ODAD2: variants seen among roughly 807,000 people sequenced by gnomAD.
ODAD2 encodes outer dynein arm-docking complex subunit 2.
A neutral mutation model predicts 106.8 loss-of-function variants in ODAD2; 89 were observed. The ratio of observed to expected loss-of-function variants is 0.83; its 90% CI spans 0.70 to 0.99. The LOEUF (loss-of-function observed/expected upper bound fraction) is 0.99, where lower values mean the gene tolerates loss of function less well. Among genes scored for constraint, ODAD2 ranks in the 50% least tolerant of loss-of-function variants. The pLI, the probability that ODAD2 is intolerant of heterozygous loss-of-function variation, is 0.00. For missense variants in ODAD2, 1,168 were observed against 1,238.5 expected (o/e 0.94, Z 0.85); for synonymous variants, 404 against 436.2 (o/e 0.93, Z 0.92).
At chr10:27,939,534 A>C (rs1263830774) in intron 14 of ODAD2, among the ~76,000 whole-genome samples, 3 of 152,038 alleles carry the variant, frequency 2.0e-5, no homozygotes, top group Non-Finnish European at 4.4e-5. Context: ...TGGGCAACAG[A>C]AAAAATAAAA....
intron 19 of ODAD2, among the ~76,000 whole-genome samples, chr10:27,846,461 A>G (rs1403589681): frequency 6.6e-6 from 1 of 152,166 alleles, no homozygotes; most frequent in Admixed American, 6.6e-5. Context: ...AATGCCCACA[A>G]GAGAAAGCAG....
intron 10 of ODAD2, chr10:27,958,979 AAATAAAGATAATGGACCGGG>A: frequency 7.7e-7 from 1 of 1,303,670 alleles, no homozygotes; most frequent in Non-Finnish European, 1.0e-6. Flanking sequence ...TTTGCTAATG[AAATAAAGATAATGGACCGGG>A]ACTCTTGGGA....
intron 10 of ODAD2, among the ~76,000 whole-genome samples, chr10:27,956,837 A>G (rs1483976619): frequency 6.6e-6 from 1 of 152,208 alleles, no homozygotes; most frequent in African/African-American, 2.4e-5. Flanking sequence ...ATGACCTTTC[A>G]ACATTTTACC....
At chr10:27,941,601 T>G (rs1041792342) in intron 12 of ODAD2, among the ~76,000 whole-genome samples, 4 of 149,234 alleles carry the variant, frequency 2.7e-5, no homozygotes, top group Admixed American at 6.7e-5. Context: ...ATCCAGTTTT[T>G]TTTTTTTTTT....
chr10:27,870,596 T>C (rs568210627), intron 17 of ODAD2, among the ~76,000 whole-genome samples: 1 of 152,122 alleles, frequency 6.6e-6, no homozygotes, highest in South Asian at 2.1e-4. Flanking sequence ...TGAGTGAGAA[T>C]ATGCGGTGTT....
At chr10:27,991,701 C>T (rs1850250403) in intron 2 of ODAD2, among the ~76,000 whole-genome samples, 1 of 152,152 alleles carries the variant, frequency 6.6e-6, no homozygotes, top group Admixed American at 6.6e-5. Flanking sequence ...GAGGTCTACC[C>T]ACAAGGAGAG....
In ODAD2 at chr10:27,893,610, T is replaced by G. The variant is rs377147729; in HGVS notation, c.2610+14053A>C. On this transcript the variant is annotated intron_variant, in intron 17 of 19. Transcript: ENST00000305242. Reference sequence around the variant, plus strand: ...GACTCATAAGTTAATAAGTCTAAAGTTACTTGCAAAAGCATTGTAGTTGAA... The same window carrying G: ...GACTCATAAGTTAATAAGTCTAAAGGTACTTGCAAAAGCATTGTAGTTGAA... 1.4e-4 allele frequency among the ~76,000 whole-genome samples: 21 copies of G among 152,324 alleles called. No homozygotes were observed. In the East Asian group the frequency reaches 3.3e-3, roughly 24 times the overall value.
chr10:27,876,606 A>T (rs963299610), intron 17 of ODAD2, among the ~76,000 whole-genome samples: 5 of 152,144 alleles, frequency 3.3e-5, no homozygotes, highest in Admixed American at 2.6e-4. Context: ...GCAGCCAATT[A>T]TTTGCTTAGG....
intron 10 of ODAD2, among the ~76,000 whole-genome samples, chr10:27,948,115 T>C (rs977902894): frequency 1.3e-5 from 2 of 152,152 alleles, no homozygotes; most frequent in African/African-American, 2.4e-5. Context: ...GAAGTATCTC[T>C]AGGTTAATTT....
At chr10:27,819,910 T>C (rs2132846624) in intron 19 of ODAD2, among the ~76,000 whole-genome samples, 1 of 152,278 alleles carries the variant, frequency 6.6e-6, no homozygotes, top group South Asian at 2.1e-4. Flanking sequence ...CTGACTGCAT[T>C]TTTAGATCAG....
At chr10:27,959,398 A>G (rs774077317) in intron 10 of ODAD2, among the ~76,000 whole-genome samples, 4 of 151,678 alleles carry the variant, frequency 2.6e-5, no homozygotes, top group Non-Finnish European at 4.4e-5. Context: ...CCCCCAGATG[A>G]CATGCTTTCT....
At chr10:27,879,635 T>C (rs1366423954) in intron 17 of ODAD2, among the ~76,000 whole-genome samples, 1 of 152,134 alleles carries the variant, frequency 6.6e-6, no homozygotes, top group African/African-American at 2.4e-5. Flanking sequence ...TATGATGTAT[T>C]ATACTCCAAA....
At chr10:27,920,787 T>A (rs1844720914) in intron 16 of ODAD2, among the ~76,000 whole-genome samples, 2 of 152,148 alleles carry the variant, frequency 1.3e-5, no homozygotes, top group Non-Finnish European at 2.9e-5. Context: ...TTAAATCTCT[T>A]CTGTATACAA....
chr10:27,951,281 G>T (rs1049389026), intron 10 of ODAD2, among the ~76,000 whole-genome samples: 13 of 152,094 alleles, frequency 8.5e-5, no homozygotes, highest in African/African-American at 3.1e-4. Flanking sequence ...TTCTAAAGAT[G>T]ATCTAGAATG....
intron 19 of ODAD2, among the ~76,000 whole-genome samples, chr10:27,828,126 T>C (rs577597152): frequency 1.3e-5 from 2 of 152,300 alleles, no homozygotes; most frequent in East Asian, 3.9e-4. Flanking sequence ...AACAGTCCCT[T>C]GGATTCTGAC....
chr10:27,864,476 G>A (rs112218449), intron 17 of ODAD2, among the ~76,000 whole-genome samples: 2 of 150,608 alleles, frequency 1.3e-5, no homozygotes, highest in African/African-American at 4.9e-5. Context: ...CTAAAGCCAT[G>A]CAAATTAGAG....
At chr10:27,996,770 G>A (rs1850580400) in intron 1 of ODAD2, among the ~76,000 whole-genome samples, 1 of 152,182 alleles carries the variant, frequency 6.6e-6, no homozygotes, top group Non-Finnish European at 1.5e-5. Flanking sequence ...TGATGGCAAT[G>A]TTATTTGAGA....
At position 27,862,573 on chromosome 10, in the gene ODAD2, A is replaced by G. The variant is rs778348315; in HGVS notation, c.2660T>C (p.Val887Ala). 3 of 1,612,030 alleles carry G rather than the reference A, an allele frequency of 1.9e-6. No homozygotes were observed. The highest frequency in any genetic ancestry group is 2.5e-6 in the Non-Finnish European group (3 of 1,179,174). ...TTTGTTATCTGATTTCAGTAAATTG[A>G]CAATAAGTTCCAAACCACCAACAAA... ...RSFVGGLELI[V>A]NLLKSDNKEV... Residue 887 changes from valine to alanine, a missense_variant, in exon 18 of 20, where the codon GTC becomes GCC. This residue lies in a region of ODAD2 where 701 missense variants were observed against 712.3 expected (regional missense o/e 0.98). Coordinates refer to ENST00000305242, the MANE Select transcript of ODAD2 (RefSeq NM_018076.5).
intron 17 of ODAD2, among the ~76,000 whole-genome samples, chr10:27,900,878 G>C (rs561265707): frequency 3.3e-5 from 5 of 152,262 alleles, no homozygotes; most frequent in African/African-American, 1.2e-4. Flanking sequence ...GAACCAACTT[G>C]GAAAACACTC....
Sources: gnomAD v4.1 joint callset for allele counts (sites outside exome capture counted in the v4.1 genomes callset) on GRCh38, gnomAD v4.1.1 for gene constraint, gnomAD v4.1.1 regional missense constraint, MANE v1.5 for transcripts, NCBI Gene and HGNC (gene_info 2026-07-23, HGNC 2026-07-21) for gene names.